BAG6: variants seen among roughly 807,000 people sequenced by gnomAD.
BAG6 encodes the protein large proline-rich protein BAG6.
In BAG6, 22 loss-of-function variants were observed where a neutral mutation model predicts 121.0. The ratio of observed to expected loss-of-function variants is 0.18; its 90% CI spans 0.13 to 0.26. The LOEUF (loss-of-function observed/expected upper bound fraction) is 0.26, where lower values mean the gene tolerates loss of function less well. Ranked by LOEUF, BAG6 falls within the 10% of genes least tolerant of loss-of-function variation. The pLI, the probability that BAG6 is intolerant of heterozygous loss-of-function variation, is 1.00. For missense variants in BAG6, 1,233 were observed against 1,537.7 expected (o/e 0.80, Z 3.31); for synonymous variants, 583 against 584.6 (o/e 1.00, Z 0.04).
In BAG6 at chr6:31,643,001, G is replaced by C; in HGVS notation, c.1871C>G (p.Pro624Arg). 1 of 1,593,328 alleles carries C rather than the reference G, an allele frequency of 6.3e-7. No homozygotes were observed. Among genetic ancestry groups the C allele is most frequent in the Non-Finnish European group, 8.5e-7 (1 of 1,170,998 alleles). Residue 624 changes from proline (P) to arginine (R), a missense_variant, in exon 15 of 26, where the codon CCT becomes CGT. Physicochemically the swap from Pro to Arg is moderately radical, Grantham distance 103. This residue lies in a region of BAG6 where 777 missense variants were observed against 861.4 expected (regional missense o/e 0.90). Transcript: ENST00000676615. The part of the protein sequence containing the change: ...AGPAPGGPAQ[P>R]PPTPQPSMAD... Reference sequence around the variant, plus strand: ...CATGGAGGGTTGAGGGGTGGGTGGAGGCTGGGCAGGCCCCCCAGGAGCGGG... The same window carrying C: ...CATGGAGGGTTGAGGGGTGGGTGGACGCTGGGCAGGCCCCCCAGGAGCGGG...
chr6:31,641,989 G>A lies in BAG6; in HGVS notation c.2336-44C>T. The A allele has an allele frequency of 1.2e-6, 2 of 1,605,884 alleles. No individual in the cohort carries two copies. Among genetic ancestry groups the A allele is most frequent in the Non-Finnish European group, 1.7e-6 (2 of 1,175,294 alleles). On this transcript the variant is annotated intron_variant, in intron 16 of 25. Transcript: ENST00000676615. The surrounding 1 kb of genome is among the most constrained non-coding windows in gnomAD (Gnocchi z 5.7). The stretch of plus-strand genomic sequence containing the variant: ...TGTTAGCAATGGCCTTTACCACCTG[G>A]CCTGCCCACCCACAACCAGATCATC...
At chr6:31,639,252 G>A in intron 25 of BAG6, 26 bp from the exon 26 acceptor site, 1 of 1,599,680 alleles carries the variant, frequency 6.3e-7, no homozygotes, top group Non-Finnish European at 8.5e-7. Flanking sequence ...AAGCAGGTTG[G>A]AGAAACGCTG....
chr6:31,644,403 T>C lies in BAG6; in HGVS notation c.1459A>G (p.Ile487Val). ...GHGQTLGSTLIQLPSLPPEFM... is the reference protein window; with the variant it reads ...GHGQTLGSTLVQLPSLPPEFM... ...TCAGGGGGCAGGGAGGGCAGCTGGA[T>C]GAGGGTGGAGCCTGGGGGGCGGGTC... is the stretch of plus-strand genomic sequence containing the variant. Residue 487 changes from isoleucine to valine, a missense_variant, in exon 12 of 26, where the codon ATC (isoleucine) becomes GTC (valine). Coordinates refer to ENST00000676615, the MANE Select transcript of BAG6 (RefSeq NM_001387994.1). This position sits in a 1 kb window ranked among gnomAD's most constrained non-coding sequence, Gnocchi z 4.9. The C allele has an allele frequency of 6.4e-7, 1 of 1,552,134 alleles. No homozygotes were observed. Among genetic ancestry groups the C allele is most frequent in the Non-Finnish European group, 8.7e-7 (1 of 1,147,718 alleles).
intron 2 of BAG6, among the ~76,000 whole-genome samples, chr6:31,650,861 C>A (rs1795851839): frequency 6.6e-6 from 1 of 152,140 alleles, no homozygotes; most frequent in African/African-American, 2.4e-5. Flanking sequence ...AGTAAAGACA[C>A]AGATAGCTAT....
Position 31,641,892 on chromosome 6 carries a change from C to T in BAG6, c.2389G>A (p.Val797Ile), listed in dbSNP as rs552804468. 5.6e-6 allele frequency: 9 copies of T among 1,612,852 alleles called. No individual in the cohort carries two copies. Among genetic ancestry groups the T allele is most frequent in the South Asian group, 1.1e-5 (1 of 91,080 alleles). The change falls in exon 17 of 26, where the codon GTA becomes ATA. Residue 797 changes from valine to isoleucine, a missense_variant. Physicochemically the swap from Val to Ile is conservative, Grantham distance 29 (BLOSUM62 3). Around this residue, in one of 7 missense-constraint regions of BAG6, gnomAD observed 288 missense variants for 483.1 expected, o/e 0.60. Transcript: ENST00000676615. The surrounding 1 kb of genome is among the most constrained non-coding windows in gnomAD (Gnocchi z 5.7). Reference protein sequence around the residue: ...LLCQNFSMVDVVMLLHGHFQP... With the variant: ...LLCQNFSMVDIVMLLHGHFQP... ...AAATGCCCATGGAGAAGCATCACTA[C>T]GTCCACCATAGAGAAGTTCTGGCAC...
chr6:31,644,814 A>C lies in BAG6; in HGVS notation c.1369+132T>G. 7.0e-7 allele frequency: 1 copy of C among 1,438,548 alleles called. No individual in the cohort carries two copies. The highest frequency in any genetic ancestry group is 9.5e-7 in the Non-Finnish European group (1 of 1,057,248). 89.1% of individuals were successfully genotyped at this position (1,438,548 alleles called of 1,614,324 possible). ...CACACCCCCCACATCTGTCTACTTAAGCTTCTGCTCTGGTCCCCAGGCTAC... is the reference window on the plus strand; with the variant it reads ...CACACCCCCCACATCTGTCTACTTACGCTTCTGCTCTGGTCCCCAGGCTAC... On this transcript the variant is annotated intron_variant, in intron 10 of 25. Transcript: ENST00000676615. The surrounding 1 kb of genome is among the most constrained non-coding windows in gnomAD (Gnocchi z 4.9).
In BAG6 at chr6:31,639,579, C is replaced by A; in HGVS notation, c.3314G>T (p.Gly1105Val). ...EAVSRAAKAAGARPLTSPESL... is the reference protein window; with the variant it reads ...EAVSRAAKAAVARPLTSPESL... ...CTCGGGGCTCGTCAGGGGCCGAGCTCCGGCTGCCTTAGCTGCCCGGCTCAC... is the reference window on the plus strand; with the variant it reads ...CTCGGGGCTCGTCAGGGGCCGAGCTACGGCTGCCTTAGCTGCCCGGCTCAC... The change falls in exon 25 of 26, where the codon GGA becomes GTA. Residue 1105 changes from glycine to valine, a missense_variant. Around this residue, in one of 7 missense-constraint regions of BAG6, gnomAD observed 102 missense variants for 103.2 expected, o/e 0.99. Transcript: ENST00000676615. 3 of 1,614,072 alleles carry A rather than the reference C, an allele frequency of 1.9e-6. No individual in the cohort carries two copies. The highest frequency in any genetic ancestry group is 2.5e-6 in the Non-Finnish European group (3 of 1,179,964).
At chr6:31,647,958 G>A (rs1012795816) in intron 6 of BAG6, 132 bp from the exon 7 acceptor site, 44 of 1,212,590 alleles carry the variant, frequency 3.6e-5, no homozygotes, top group Non-Finnish European at 4.3e-5. Context: ...TTTTATCTCC[G>A]ACTCGCTAGC....
At chr6:31,651,304 C>T (rs1237897103) in intron 2 of BAG6, among the ~76,000 whole-genome samples, 9 of 152,088 alleles carry the variant, frequency 5.9e-5, no homozygotes, top group African/African-American at 2.2e-4. Flanking sequence ...TTTGGGAGGC[C>T]GAGGAGGGCA....
Position 31,640,396 on chromosome 6 carries a change from C to T in BAG6, c.3127G>A (p.Ala1043Thr), listed in dbSNP as rs764557283. Residue 1043 changes from alanine to threonine, a missense_variant, in exon 23 of 26, where the codon GCA becomes ACA. Ala to Thr is a moderately conservative substitution (Grantham distance 58). Transcript: ENST00000676615. The surrounding 1 kb of genome is among the most constrained non-coding windows in gnomAD (Gnocchi z 4.2). ...ASAETEPWAA[A>T]VPPEWVPIIQ... ...TTCCTGACACTTACTGGGGGGACTG[C>T]AGCTGCCCAAGGTTCTGTCTCAGCT... 2.5e-6 allele frequency: 4 copies of T among 1,614,060 alleles called. No individual in the cohort carries two copies. Among genetic ancestry groups the T allele is most frequent in the Non-Finnish European group, 3.4e-6 (4 of 1,180,050 alleles).
chr6:31,642,764 AGGTACCACTGCCT>A lies in BAG6; in HGVS notation c.2043+52_2043+64del, dbSNP rs548457961. 8 of 1,567,676 alleles carry A rather than the reference AGGTACCACTGCCT, an allele frequency of 5.1e-6. No homozygotes were observed. The East Asian group carries it at 1.7e-4, about 33-fold the overall frequency. On this transcript the variant is annotated intron_variant, in intron 15 of 25. Transcript: ENST00000676615. ...ACCCAGTGGTTATATAATGGCAAGA[AGGTACCACTGCCT>A]GGCTGGGCCGGGGGACAGGAAGATG...
chr6:31,646,294 A>G (rs1214743916), intron 8 of BAG6, 100 bp downstream of exon 8: 2 of 1,510,554 alleles, frequency 1.3e-6, no homozygotes, highest in Middle Eastern at 1.8e-4. Flanking sequence ...CCCTGTTGCA[A>G]TGTTTTTCCA....
Position 31,640,192 on chromosome 6 carries a change from A to C in BAG6, c.3246+7T>G. 1.2e-6 allele frequency: 2 copies of C among 1,613,922 alleles called. No individual in the cohort carries two copies. The highest frequency in any genetic ancestry group is 1.7e-6 in the Non-Finnish European group (2 of 1,179,944). Reference sequence around the variant, plus strand: ...GAGAGAGAGGCTTAGGGAAGAGGAAAACCAACCTTGCGTCTCTTGGCAGGC... The same window carrying C: ...GAGAGAGAGGCTTAGGGAAGAGGAACACCAACCTTGCGTCTCTTGGCAGGC... On this transcript the variant is annotated splice_region_variant and intron_variant, in intron 24 of 25. Coordinates refer to ENST00000676615, the MANE Select transcript of BAG6 (RefSeq NM_001387994.1). The surrounding 1 kb of genome is among the most constrained non-coding windows in gnomAD (Gnocchi z 4.2).
At position 31,644,074 on chromosome 6, in the gene BAG6, T is replaced by C. The variant is rs1311783835; in HGVS notation, c.1668+8A>G. 6.2e-7 allele frequency: 1 copy of C among 1,613,174 alleles called. No homozygotes were observed. The highest frequency in any genetic ancestry group is 1.3e-5 in the African/African-American group (1 of 74,920). ...GTTACGCACTAGAACTCCCCGACCC[T>C]TGCTCACCAGTGTCCCAGAGACTGG... On this transcript the variant is annotated splice_region_variant and intron_variant, in intron 13 of 25. Transcript: ENST00000676615. The surrounding 1 kb of genome is among the most constrained non-coding windows in gnomAD (Gnocchi z 4.9).
chr6:31,640,934 C>T lies in BAG6; in HGVS notation c.2792G>A (p.Arg931His), dbSNP rs747689534. Residue 931 changes from arginine to histidine, a missense_variant, in exon 21 of 26, where the codon CGT (arginine) becomes CAT (histidine). Transcript: ENST00000676615. This position sits in a 1 kb window ranked among gnomAD's most constrained non-coding sequence, Gnocchi z 4.2. ...GGAGGGATTCACCCCACGAGACATA[C>T]GACGCTGAGGGACAGAAAGCAGATT... ...LAAVINGRIR[R>H]MSRGVNPSLV... The T allele has an allele frequency of 2.0e-5, 32 of 1,612,270 alleles. No homozygotes were observed. Among genetic ancestry groups the T allele is most frequent in the African/African-American group, 8.0e-5 (6 of 74,872 alleles).
Position 31,651,676 on chromosome 6 carries a change from T to C in BAG6, c.88A>G (p.Thr30Ala). ...LVKTLDSQTR[T>A]FIVGAQMNVK... ...CTCACCTGGGCCCCCACAATAAAGG[T>C]ACGAGTTTGAGAGTCCAAGGTCTTC... Residue 30 changes from threonine (T) to alanine (A), a missense_variant, in exon 2 of 26, where the codon ACC (threonine) becomes GCC (alanine). By Grantham distance (58) the Thr-to-Ala change is moderately conservative. Coordinates refer to ENST00000676615, the MANE Select transcript of BAG6 (RefSeq NM_001387994.1). 1 of 1,612,916 alleles carries C rather than the reference T, an allele frequency of 6.2e-7. No homozygotes were observed. The highest frequency in any genetic ancestry group is 1.1e-5 in the South Asian group (1 of 91,074).
chr6:31,639,617 A>C lies in BAG6; in HGVS notation c.3276T>G (p.Leu1092=). 6.2e-7 allele frequency: 1 copy of C among 1,613,068 alleles called. No homozygotes were observed. Among genetic ancestry groups the C allele is most frequent in the East Asian group, 2.2e-5 (1 of 44,852 alleles). Residue 1092 remains leucine, a synonymous_variant, in exon 25 of 26, where the codon CTT becomes CTG. Transcript: ENST00000676615. ...KTMQGEGPQL[L]LSEAVSRAAK... ...CTGCCCGGCTCACAGCCTCTGAGAG[A>C]AGCAGCTGGGGGCCCTCACCCTGCA...
rs1167630641 is a variant in BAG6, at chr6:31,644,693, A to C, written c.1370-91T>G. The C allele has an allele frequency of 2.2e-6, 3 of 1,387,098 alleles. No individual in the cohort carries two copies. The highest frequency in any genetic ancestry group is 1.4e-5 in the African/African-American group (1 of 70,114). 85.9% of individuals were successfully genotyped at this position (1,387,098 alleles called of 1,614,324 possible). A position where few individuals can be genotyped will look rare whatever the true frequency, so the allele number is the denominator to read the frequency against. ...GAGATCAGGCATACTTCAGGCCCAT[A>C]ATCCCCCAATCAGAAAGCCTGCCTT... On this transcript the variant is annotated intron_variant, in intron 10 of 25. Transcript: ENST00000676615. This position sits in a 1 kb window ranked among gnomAD's most constrained non-coding sequence, Gnocchi z 4.9.
rs1422830290 is a variant in BAG6 at position 31,642,913 on chromosome 6, T to C, written c.1959A>G (p.Gly653=). The C allele has an allele frequency of 6.2e-7, 1 of 1,611,190 alleles. No homozygotes were observed. The highest frequency in any genetic ancestry group is 8.5e-7 in the Non-Finnish European group (1 of 1,178,894). Residue 653 remains glycine (G), a synonymous_variant, in exon 15 of 26, where the codon GGA becomes GGG. Transcript: ENST00000676615. ...TGGTGGGAGAAGCCACACCAGACCCTCCAGCCCCTGGCCCTGCAGGCCCTA... is the reference window on the plus strand; with the variant it reads ...TGGTGGGAGAAGCCACACCAGACCCCCCAGCCCCTGGCCCTGCAGGCCCTA... ...NLLGPAGPGA[G]GSGVASPTIT...
Sources: gnomAD v4.1 joint callset for allele counts (sites outside exome capture counted in the v4.1 genomes callset) on GRCh38, gnomAD v4.1.1 for gene constraint, gnomAD v4.1.1 regional missense constraint, Gnocchi (gnomAD v3.1) non-coding constraint, MANE v1.5 for transcripts, NCBI Gene and HGNC (gene_info 2026-07-23, HGNC 2026-07-21) for gene names.